UMAD1: variants seen among roughly 807,000 people sequenced by gnomAD.
UMAD1 encodes the protein UBAP1-MVB12-associated (UMA)-domain containing protein 1.
UMAD1 carries 8 observed loss-of-function variants against 6.1 expected under a neutral mutation model. The observed-to-expected ratio is 1.30, with a 90% confidence interval of 0.76 to 2.35. The LOEUF is 2.35. Among genes scored for constraint, UMAD1 ranks in the 30% most tolerant of loss-of-function variants. UMAD1 has a pLI of 0.00. For missense variants in UMAD1, 130 were observed against 78.4 expected, an observed-to-expected ratio of 1.66 and a Z score of -2.49; for synonymous variants, 56 against 31.4, an observed-to-expected ratio of 1.78 and a Z score of -2.61.
intron 2 of UMAD1, among the ~76,000 whole-genome samples, chr7:7,781,048 G>T (rs918950941): frequency 5.9e-5 from 9 of 152,214 alleles, no homozygotes; most frequent in African/African-American, 2.2e-4. Flanking sequence ...CCAGCTAAAA[G>T]CTTATACATT....
chr7:7,692,481 A>G (rs1309730074), intron 2 of UMAD1: 2 of 152,244 alleles, frequency 1.3e-5, no homozygotes, highest in African/African-American at 4.8e-5. Context: ...GGAAATTTAT[A>G]TTCATACAGT....
Position 7,827,122 on chromosome 7 carries a change from G to GATAT in UMAD1, c.156+25402_156+25405dup, listed in dbSNP as rs112036833. Among the ~76,000 whole-genome samples, 702 of 140,336 alleles carry GATAT rather than the reference G, an allele frequency of 5.0e-3. 7 individuals carry two copies. Among genetic ancestry groups the GATAT allele is most frequent in the African/African-American group, 0.011 (418 of 37,290 alleles). The allele number at this position is 140,336 out of a possible 152,430, so 92.1% of individuals were successfully genotyped here. A position where few individuals can be genotyped will look rare whatever the true frequency, so the allele number is the denominator to read the frequency against. On this transcript the variant is annotated intron_variant, in intron 3 of 3. Transcript: ENST00000682710. Reference sequence around the variant, plus strand: ...GTGTTTTATCAGTCTCACAGTCCAGGATATATATATATATATATATATATA... The same window carrying GATAT: ...GTGTTTTATCAGTCTCACAGTCCAGGATATATATATATATATATATATATATATA...
chr7:7,860,725 A>G (rs896092539), intron 3 of UMAD1, among the ~76,000 whole-genome samples: 1 of 151,246 alleles, frequency 6.6e-6, no homozygotes, highest in Admixed American at 6.6e-5. Context: ...CAGTGAGCCA[A>G]GATTGCACCA....
intron 2 of UMAD1, among the ~76,000 whole-genome samples, chr7:7,720,605 C>T: frequency 6.6e-6 from 1 of 152,118 alleles, no homozygotes; most frequent in Admixed American, 6.5e-5. Flanking sequence ...AATAAACTTT[C>T]TTCATGGTAA....
chr7:7,839,604 C>G (rs1365629252), intron 3 of UMAD1, among the ~76,000 whole-genome samples: 4 of 152,052 alleles, frequency 2.6e-5, no homozygotes. Context: ...CTTACAATAG[C>G]ATGTTCGAAT....
At chr7:7,755,687 T>C (rs1054350266) in intron 2 of UMAD1, among the ~76,000 whole-genome samples, 3 of 152,066 alleles carry the variant, frequency 2.0e-5, no homozygotes, top group Non-Finnish European at 4.4e-5. Context: ...TGCAGAAAAA[T>C]TTAAGATTAA....
At chr7:7,653,206 T>C (rs1785267107) in intron 1 of UMAD1, among the ~76,000 whole-genome samples, 1 of 152,224 alleles carries the variant, frequency 6.6e-6, no homozygotes, top group African/African-American at 2.4e-5. Context: ...TCTTGTACAG[T>C]AGTGTTATTT....
intron 1 of UMAD1, among the ~76,000 whole-genome samples, chr7:7,661,091 C>T (rs923735056): frequency 3.3e-5 from 5 of 151,872 alleles, no homozygotes; most frequent in African/African-American, 9.7e-5. Flanking sequence ...ATCCTTTCTT[C>T]CACTTGATTG....
At chr7:7,784,801 G>A (rs1275368890) in intron 2 of UMAD1, among the ~76,000 whole-genome samples, 13 of 107,886 alleles carry the variant, frequency 1.2e-4, no homozygotes, top group South Asian at 9.0e-4. Flanking sequence ...TTGCTGTGTC[G>A]CCCAGGCTGG....
intron 2 of UMAD1, among the ~76,000 whole-genome samples, chr7:7,716,218 A>G (rs1455514792): frequency 1.3e-5 from 2 of 152,194 alleles, no homozygotes; most frequent in African/African-American, 2.4e-5. Flanking sequence ...AAATAGTTCT[A>G]TGTTGTATTG....
intron 2 of UMAD1, among the ~76,000 whole-genome samples, chr7:7,678,711 T>C (rs2115117410): frequency 7.8e-6 from 1 of 128,306 alleles, no homozygotes; most frequent in African/African-American, 3.2e-5. Flanking sequence ...TATTTATATA[T>C]TTAGTTTATA....
At chr7:7,737,194 G>C (rs1781376923) in intron 2 of UMAD1, among the ~76,000 whole-genome samples, 1 of 152,208 alleles carries the variant, frequency 6.6e-6, no homozygotes, top group Admixed American at 6.5e-5. Context: ...TCAGTCCCTT[G>C]GAGCTGAATC....
At chr7:7,748,957 G>C (rs1003887991) in intron 2 of UMAD1, among the ~76,000 whole-genome samples, 4 of 152,030 alleles carry the variant, frequency 2.6e-5, no homozygotes, top group Non-Finnish European at 4.4e-5. Flanking sequence ...GGCTGTGCTA[G>C]AGATATCCTA....
At chr7:7,799,196 G>C (rs1563215472) in intron 2 of UMAD1, among the ~76,000 whole-genome samples, 1 of 152,102 alleles carries the variant, frequency 6.6e-6, no homozygotes, top group Non-Finnish European at 1.5e-5. Context: ...TTCAAAAATT[G>C]TATTTCATTG....
chr7:7,755,109 G>A (rs1167895900), intron 2 of UMAD1, among the ~76,000 whole-genome samples: 21 of 152,012 alleles, frequency 1.4e-4, no homozygotes, highest in Non-Finnish European at 2.4e-4. Flanking sequence ...ACTCCACATC[G>A]AATGCCTGCC....
chr7:7,778,273 T>TGAGAGAGAGAGAGA (rs1193832166), intron 2 of UMAD1, among the ~76,000 whole-genome samples: 1 of 94,862 alleles, frequency 1.1e-5, no homozygotes, highest in African/African-American at 3.6e-5. Context: ...TGTGTGTGTG[T>TGAGAGAGAGAGAGA]GTGAGAGAGA....
At chr7:7,695,265 T>A (rs1780281980) in intron 2 of UMAD1, among the ~76,000 whole-genome samples, 1 of 152,184 alleles carries the variant, frequency 6.6e-6, no homozygotes, top group Admixed American at 6.5e-5. Context: ...TTTGTTTACT[T>A]GCTGTCAACA....
At chr7:7,772,176 T>C (rs1173819361) in intron 2 of UMAD1, among the ~76,000 whole-genome samples, 5 of 152,232 alleles carry the variant, frequency 3.3e-5, no homozygotes, top group Non-Finnish European at 1.5e-5. Context: ...AGATTTCCAG[T>C]AATAGCTAAA....
Position 7,673,399 on chromosome 7 carries a change from G to A in UMAD1, c.28G>A (p.Glu10Lys), listed in dbSNP as rs901206090. The A allele has an allele frequency of 3.4e-6, 4 of 1,165,910 alleles. No homozygotes were observed. The highest frequency in any genetic ancestry group is 5.0e-6 in the Non-Finnish European group (4 of 806,694). 72.2% of individuals were successfully genotyped at this position (1,165,910 alleles called of 1,614,324 possible). ...GTTTCACTTCTTCAGAAAGCCTCCG[G>A]AATCTAAAAAGCCCTCAGTACCAGA... MFHFFRKPP[E>K]SKKPSVPETE... The change falls in exon 2 of 4, where the codon GAA becomes AAA. Residue 10 changes from glutamate (E) to lysine (K), a missense_variant. Transcript: ENST00000682710.
Sources: allele counts gnomAD v4.1 joint callset (sites outside exome capture counted in the v4.1 genomes callset), GRCh38; gene constraint gnomAD v4.1.1; transcripts MANE v1.5; gene names NCBI Gene and HGNC (gene_info 2026-07-23, HGNC 2026-07-21).